Variants in NKAIN3 observed in about 807,000 individuals in gnomAD.
NKAIN3 encodes the protein sodium/potassium transporting ATPase interacting 3.
In NKAIN3, 25 loss-of-function variants were observed where a neutral mutation model predicts 30.2. The ratio of observed to expected loss-of-function variants is 0.83; its 90% confidence interval spans 0.60 to 1.16. The LOEUF (loss-of-function observed/expected upper bound fraction) is 1.16, where lower values mean the gene tolerates loss of function less well. Ranked by LOEUF, NKAIN3 falls within the 50% of genes most tolerant of loss-of-function variation. The probability of loss-of-function intolerance (pLI) is 0.00; values close to 1 mark genes in which losing one functional copy is unlikely to be tolerated. For synonymous variants in NKAIN3, 91 were observed against 89.6 expected, an observed-to-expected ratio of 1.02 and a Z score of -0.09; for missense variants, 225 against 254.1, an observed-to-expected ratio of 0.89 and a Z score of 0.78.
At chr8:62,769,317 G>C (rs1266771321) in intron 4 of NKAIN3, among the ~76,000 whole-genome samples, 1 of 152,144 alleles carries the variant, frequency 6.6e-6, no homozygotes, top group Non-Finnish European at 1.5e-5. Flanking sequence ...TGTAATTTAG[G>C]AAGTAATAAA....
At chr8:62,823,606 A>G (rs2130734502) in intron 4 of NKAIN3, among the ~76,000 whole-genome samples, 1 of 152,314 alleles carries the variant, frequency 6.6e-6, no homozygotes, top group East Asian at 1.9e-4. Context: ...CTGATTAAGA[A>G]AGCCCTTCGT....
intron 1 of NKAIN3, among the ~76,000 whole-genome samples, chr8:62,360,322 A>T (rs181540868): frequency 7.2e-4 from 109 of 152,324 alleles, no homozygotes; most frequent in African/African-American, 2.4e-3. Flanking sequence ...TGGTATCAGG[A>T]TATAACCAGG....
At chr8:62,360,804 C>G (rs1443541483) in intron 1 of NKAIN3, among the ~76,000 whole-genome samples, 1 of 152,060 alleles carries the variant, frequency 6.6e-6, no homozygotes, top group East Asian at 1.9e-4. Flanking sequence ...CTGGGTGCCC[C>G]TGTATTGGGT....
chr8:62,701,713 C>T (rs1490283102), intron 3 of NKAIN3, among the ~76,000 whole-genome samples: 1 of 152,166 alleles, frequency 6.6e-6, no homozygotes, highest in African/African-American at 2.4e-5. Context: ...AACCCTGTTT[C>T]CATCATTTGG....
At chr8:62,561,240 G>T (rs545229552) in intron 1 of NKAIN3, among the ~76,000 whole-genome samples, 1 of 152,216 alleles carries the variant, frequency 6.6e-6, no homozygotes, top group South Asian at 2.1e-4. Context: ...GATTCCTCAG[G>T]TAGCTGGATG....
chr8:62,630,040 A>G (rs532850597), intron 3 of NKAIN3, among the ~76,000 whole-genome samples: 12 of 152,262 alleles, frequency 7.9e-5, no homozygotes, highest in Non-Finnish European at 1.5e-4. Context: ...AGAGAGAACC[A>G]CATTCACATG....
intron 1 of NKAIN3, among the ~76,000 whole-genome samples, chr8:62,463,675 C>T (rs531558663): frequency 6.6e-6 from 1 of 152,264 alleles, no homozygotes; most frequent in South Asian, 2.1e-4. Flanking sequence ...TCGTAGTCTT[C>T]TCTCATCCAT....
At chr8:62,613,564 A>T (rs1811356193) in intron 3 of NKAIN3, among the ~76,000 whole-genome samples, 1 of 151,874 alleles carries the variant, frequency 6.6e-6, no homozygotes, top group Non-Finnish European at 1.5e-5. Context: ...ATCTTTCTCT[A>T]TGTTTGGGAC....
At chr8:62,923,906 A>AT (rs1822358380) in intron 5 of NKAIN3, among the ~76,000 whole-genome samples, 1 of 152,204 alleles carries the variant, frequency 6.6e-6, no homozygotes, top group Non-Finnish European at 1.5e-5. Context: ...CAAGAATATC[A>AT]TAAGCATTCA....
At chr8:62,707,930 A>G (rs1814585826) in intron 3 of NKAIN3, among the ~76,000 whole-genome samples, 1 of 152,038 alleles carries the variant, frequency 6.6e-6, no homozygotes, top group South Asian at 2.1e-4. Context: ...ATTCAGATTT[A>G]TTTGCCTATA....
At chr8:62,823,137 A>G (rs1818903684) in intron 4 of NKAIN3, among the ~76,000 whole-genome samples, 1 of 152,162 alleles carries the variant, frequency 6.6e-6, no homozygotes, top group Admixed American at 6.5e-5. Context: ...CGATTACTAT[A>G]TACTACTGAA....
chr8:62,326,992 GT>G (rs1815163983), intron 1 of NKAIN3, among the ~76,000 whole-genome samples: 2 of 151,748 alleles, frequency 1.3e-5, no homozygotes, highest in Non-Finnish European at 2.9e-5. Flanking sequence ...GTTTTGTTTT[GT>G]TTTTGTTTTT....
At chr8:62,323,588 A>G (rs1446635070) in intron 1 of NKAIN3, among the ~76,000 whole-genome samples, 2 of 152,132 alleles carry the variant, frequency 1.3e-5, no homozygotes, top group Non-Finnish European at 2.9e-5. Flanking sequence ...GGATTTTGCC[A>G]TCTTTTGTGG....
intron 1 of NKAIN3, among the ~76,000 whole-genome samples, chr8:62,307,228 GC>G (rs1814273863): frequency 6.9e-6 from 1 of 144,714 alleles, no homozygotes; most frequent in Non-Finnish European, 1.5e-5. Flanking sequence ...ACAAAACACA[GC>G]TTTTTGTCCC....
At chr8:62,751,279 A>T (rs1354493993) in intron 4 of NKAIN3, among the ~76,000 whole-genome samples, 2 of 152,098 alleles carry the variant, frequency 1.3e-5, no homozygotes, top group African/African-American at 4.8e-5. Context: ...TCTTCCCCCA[A>T]AACACCTCAG....
At chr8:62,577,528 A>AG (rs1810153211) in intron 1 of NKAIN3, among the ~76,000 whole-genome samples, 1 of 117,948 alleles carries the variant, frequency 8.5e-6, no homozygotes, top group South Asian at 2.7e-4. Context: ...GCTGCTCTTC[A>AG]GGGTTTCCTT....
At chr8:62,299,776 CAAG>C (rs1251978136) in intron 1 of NKAIN3, among the ~76,000 whole-genome samples, 1 of 151,964 alleles carries the variant, frequency 6.6e-6, no homozygotes, top group Non-Finnish European at 1.5e-5. Flanking sequence ...TGCTTAGAAA[CAAG>C]AGACAGTTTT....
intron 1 of NKAIN3, among the ~76,000 whole-genome samples, chr8:62,454,170 T>C (rs1191883482): frequency 6.6e-6 from 1 of 151,802 alleles, no homozygotes; most frequent in Non-Finnish European, 1.5e-5. Context: ...CTTCACTCCA[T>C]AACAATATGC....
chr8:62,317,258 T>C (rs1814671939), intron 1 of NKAIN3, among the ~76,000 whole-genome samples: 1 of 152,234 alleles, frequency 6.6e-6, no homozygotes, highest in Non-Finnish European at 1.5e-5. Context: ...TCTTTTGCCG[T>C]GCAGAAGCTC....
Sources: gnomAD v4.1 joint callset for allele counts (sites outside exome capture counted in the v4.1 genomes callset) on GRCh38, gnomAD v4.1.1 for gene constraint, MANE v1.5 for transcripts, NCBI Gene and HGNC (gene_info 2026-07-23, HGNC 2026-07-21) for gene names.